HIBCH: variants seen among roughly 807,000 people sequenced by gnomAD.
HIBCH encodes 3-hydroxyisobutyryl-CoA hydrolase, mitochondrial.
In HIBCH, 50 loss-of-function variants were observed where a neutral mutation model predicts 58.2. The ratio of observed to expected loss-of-function variants is 0.86; its 90% CI spans 0.68 to 1.09. The LOEUF (loss-of-function observed/expected upper bound fraction) is 1.09, where lower values mean the gene tolerates loss of function less well. Ranked by LOEUF, HIBCH falls within the 50% of genes least tolerant of loss-of-function variation. The pLI is 0.00. For synonymous variants in HIBCH, 151 were observed against 146.9 expected (o/e 1.03, Z -0.20); for missense variants, 450 against 449.7 (o/e 1.00, Z -0.01).
At chr2:190,259,319 ATGTGTGTGTGTGTGTG>A (rs370172555) in intron 7 of HIBCH, among the ~76,000 whole-genome samples, 2,091 of 122,200 alleles carry the variant, frequency 0.017, 24 homozygotes, top group African/African-American at 0.028. Flanking sequence ...CAGTATACAG[ATGTGTGTGTGTGTGTG>A]TGTGTGTGTG....
intron 6 of HIBCH, among the ~76,000 whole-genome samples, chr2:190,273,023 C>T (rs1687445456): frequency 6.6e-6 from 1 of 152,026 alleles, no homozygotes; most frequent in Non-Finnish European, 1.5e-5. Context: ...CAATGCTTAC[C>T]TGTTAAAAAG....
Position 190,210,132 on chromosome 2 carries a change from G to C in HIBCH, c.1012-1219C>G, listed in dbSNP as rs1258410500. On this transcript the variant is annotated intron_variant, in intron 12 of 13. Coordinates refer to ENST00000359678, the MANE Select transcript of HIBCH (RefSeq NM_014362.4). This position sits in a 1 kb window ranked among gnomAD's most constrained non-coding sequence, Gnocchi z 5.5. Reference sequence around the variant, plus strand: ...AGCTTCTATCCTATTTCACTTTCAAGAGTATTCATCTACACATATTCTCTC... The same window carrying C: ...AGCTTCTATCCTATTTCACTTTCAACAGTATTCATCTACACATATTCTCTC... Among the ~76,000 whole-genome samples, 1 of 151,902 alleles carries C rather than the reference G, an allele frequency of 6.6e-6. No homozygotes were observed. The highest frequency in any genetic ancestry group is 2.4e-5 in the African/African-American group (1 of 41,318).
Position 190,207,213 on chromosome 2 carries a change from T to C in HIBCH, c.1045+1667A>G, listed in dbSNP as rs1239508827. ...GCTGATTGGTTTCAACATTTTTTCC[T>C]CAAAATAACAGTATTTATCTAAAAA... On this transcript the variant is annotated intron_variant, in intron 13 of 13. Transcript: ENST00000359678. This position sits in a 1 kb window ranked among gnomAD's most constrained non-coding sequence, Gnocchi z 4.5. Among the ~76,000 whole-genome samples the C allele has an allele frequency of 6.6e-6, 1 of 152,204 alleles. No homozygotes were observed. The highest frequency in any genetic ancestry group is 6.5e-5 in the Admixed American group (1 of 15,280).
At chr2:190,196,236 C>T (rs898825954) in intron 1 of HIBCH, among the ~76,000 whole-genome samples, 1 of 151,852 alleles carries the variant, frequency 6.6e-6, no homozygotes, top group Admixed American at 6.6e-5. Context: ...TCTTTAGTGG[C>T]TGCTCTATGT....
chr2:190,235,126 C>A (rs2105923972), intron 11 of HIBCH, among the ~76,000 whole-genome samples: 1 of 152,310 alleles, frequency 6.6e-6, no homozygotes, highest in Non-Finnish European at 1.5e-5. Context: ...GAAGAGGGCT[C>A]CCTGCTTCTA....
intron 9 of HIBCH, among the ~76,000 whole-genome samples, chr2:190,247,828 A>T (rs1430834805): frequency 6.6e-6 from 1 of 152,230 alleles, no homozygotes; most frequent in Non-Finnish European, 1.5e-5. Context: ...TCAGATGATC[A>T]TTAGTATTTT....
chr2:190,235,103 GC>G (rs1167236938), intron 11 of HIBCH, among the ~76,000 whole-genome samples: 1 of 152,226 alleles, frequency 6.6e-6, no homozygotes, highest in Non-Finnish European at 1.5e-5. Context: ...AAAGGAAGGG[GC>G]CAGGGGAAGA....
At chr2:190,311,216 T>C (rs1308802610) in intron 1 of HIBCH, among the ~76,000 whole-genome samples, 6 of 152,174 alleles carry the variant, frequency 3.9e-5, no homozygotes, top group African/African-American at 1.4e-4. Context: ...AACTGTATGA[T>C]ATTCTGAAAA....
At chr2:190,293,427 T>A (rs752345712) in intron 4 of HIBCH, among the ~76,000 whole-genome samples, 1 of 151,332 alleles carries the variant, frequency 6.6e-6, no homozygotes, top group Non-Finnish European at 1.5e-5. Context: ...CACTCCAGCC[T>A]GCGCAACAAG....
At chr2:190,302,027 C>T (rs979884644) in intron 2 of HIBCH, among the ~76,000 whole-genome samples, 2 of 152,012 alleles carry the variant, frequency 1.3e-5, no homozygotes, top group African/African-American at 4.8e-5. Context: ...TTTTAAAAAG[C>T]AAAAAAATTA....
Position 190,207,021 on chromosome 2 carries a change from C to G in HIBCH, c.1046-1789G>C, listed in dbSNP as rs901983266. 6.6e-6 allele frequency among the ~76,000 whole-genome samples: 1 copy of G among 152,030 alleles called. No homozygotes were observed. The highest frequency in any genetic ancestry group is 1.5e-5 in the Non-Finnish European group (1 of 68,020). On this transcript the variant is annotated intron_variant, in intron 13 of 13. Coordinates refer to ENST00000359678, the MANE Select transcript of HIBCH (RefSeq NM_014362.4). The surrounding 1 kb of genome is among the most constrained non-coding windows in gnomAD (Gnocchi z 4.5). Reference sequence around the variant, plus strand: ...CTTTTAGTCCCAGCTACTCGGGAGGCTGAGGCAGGAGAATGGTGTGAACCC... The same window carrying G: ...CTTTTAGTCCCAGCTACTCGGGAGGGTGAGGCAGGAGAATGGTGTGAACCC...
At chr2:190,229,276 G>C (rs978344582) in intron 11 of HIBCH, among the ~76,000 whole-genome samples, 16 of 152,164 alleles carry the variant, frequency 1.1e-4, no homozygotes, top group African/African-American at 3.6e-4. Context: ...ATTAAGTACA[G>C]AGTAGAGACA....
rs1486319708 is a variant in HIBCH, at chr2:190,281,308, C to T, written c.438+6278G>A. On this transcript the variant is annotated intron_variant, in intron 6 of 13. Coordinates refer to ENST00000359678, the MANE Select transcript of HIBCH (RefSeq NM_014362.4). The surrounding 1 kb of genome is among the most constrained non-coding windows in gnomAD (Gnocchi z 5.4). ...AGAATTAGCACCACATGGATGCCAC[C>T]AAGGCTTATGGCTTATATCTTCTGG... Among the ~76,000 whole-genome samples the T allele has an allele frequency of 1.3e-5, 2 of 152,186 alleles. No homozygotes were observed. Among genetic ancestry groups the T allele is most frequent in the Non-Finnish European group, 2.9e-5 (2 of 68,038 alleles).
At chr2:190,234,760 G>A (rs1321597499) in intron 11 of HIBCH, among the ~76,000 whole-genome samples, 1 of 151,852 alleles carries the variant, frequency 6.6e-6, no homozygotes, top group Non-Finnish European at 1.5e-5. Flanking sequence ...TGAGGCAGGA[G>A]AATTGCTTCA....
intron 11 of HIBCH, among the ~76,000 whole-genome samples, chr2:190,242,218 T>C (rs1180505525): frequency 1.3e-5 from 2 of 151,894 alleles, no homozygotes; most frequent in Non-Finnish European, 2.9e-5. Flanking sequence ...ATCTTCAATC[T>C]CTGATATCCT....
At chr2:190,292,049 C>G (rs1354867417) in intron 4 of HIBCH, among the ~76,000 whole-genome samples, 1 of 152,194 alleles carries the variant, frequency 6.6e-6, no homozygotes, top group African/African-American at 2.4e-5. Flanking sequence ...GTGGCACAAT[C>G]TTGGCTCACT....
chr2:190,252,280 T>A lies in HIBCH; in HGVS notation c.545A>T (p.Tyr182Phe), dbSNP rs1686797287. 6.2e-7 allele frequency: 1 copy of A among 1,613,444 alleles called. No individual in the cohort carries two copies. The highest frequency in any genetic ancestry group is 8.5e-7 in the Non-Finnish European group (1 of 1,179,460). ...IGLFPDVGGG[Y>F]FLPRLQGKLG... ...TTTTCCTTGGAGTCGTGGCAAGAAATAACCTCCACCCACATCAGGGAACAG... is the reference window on the plus strand; with the variant it reads ...TTTTCCTTGGAGTCGTGGCAAGAAAAAACCTCCACCCACATCAGGGAACAG... The change falls in exon 8 of 14, where the codon TAT becomes TTT. Residue 182 changes from tyrosine (Y) to phenylalanine (F), a missense_variant. Transcript: ENST00000359678.
intron 11 of HIBCH, among the ~76,000 whole-genome samples, chr2:190,223,807 T>C (rs1685803608): frequency 6.6e-6 from 1 of 152,166 alleles, no homozygotes; most frequent in African/African-American, 2.4e-5. Context: ...GATGGCCGAA[T>C]AGGAACAGCT....
intron 5 of HIBCH, among the ~76,000 whole-genome samples, chr2:190,289,019 G>C (rs1296916001): frequency 6.6e-6 from 1 of 152,126 alleles, no homozygotes; most frequent in South Asian, 2.1e-4. Context: ...GCTGAGGCAG[G>C]AGAATCACTT....
Sources: gnomAD v4.1 joint callset for allele counts (sites outside exome capture counted in the v4.1 genomes callset) on GRCh38, gnomAD v4.1.1 for gene constraint, Gnocchi (gnomAD v3.1) non-coding constraint, MANE v1.5 for transcripts, NCBI Gene and HGNC (gene_info 2026-07-23, HGNC 2026-07-21) for gene names.